Variants in CREBRF observed in about 807,000 individuals in gnomAD.
The protein encoded by CREBRF is CREB3 regulatory factor.
In CREBRF, 5 loss-of-function variants were observed where a neutral mutation model predicts 66.1. The ratio of observed to expected loss-of-function variants is 0.08; its 90% confidence interval spans 0.04 to 0.16. The LOEUF is 0.16. CREBRF is among the 10% of genes least tolerant of loss of function. The probability of loss-of-function intolerance (pLI) is 1.00; values close to 1 mark genes in which losing one functional copy is unlikely to be tolerated. For missense variants in CREBRF, 531 were observed against 744.9 expected, an observed-to-expected ratio of 0.71 and a Z score of 3.34; for synonymous variants, 229 against 264.4, an observed-to-expected ratio of 0.87 and a Z score of 1.30.
intron 1 of CREBRF, 66 bp from the exon 2 acceptor site, chr5:173,080,518 CT>C (rs891551085): frequency 9.3e-4 from 475 of 508,700 alleles, no homozygotes; most frequent in South Asian, 1.5e-3. Context: ...CAAAAGTCAA[CT>C]TTTTTTTTGA....
chr5:173,087,693 A>C (rs1758201198), intron 3 of CREBRF, among the ~76,000 whole-genome samples: 1 of 150,538 alleles, frequency 6.6e-6, no homozygotes. Context: ...TCTCAAAAAG[A>C]AAAAGGATGC....
At chr5:173,083,840 C>T (rs1387407993) in intron 2 of CREBRF, among the ~76,000 whole-genome samples, 2 of 152,104 alleles carry the variant, frequency 1.3e-5, no homozygotes, top group East Asian at 3.8e-4. Context: ...AATTGCTGCT[C>T]TATATTTTTT....
At position 173,090,252 on chromosome 5, in the gene CREBRF, T is replaced by G; in HGVS notation, c.136-63T>G. The G allele has an allele frequency of 1.5e-6, 2 of 1,326,806 alleles. No homozygotes were observed. Among genetic ancestry groups the G allele is most frequent in the Non-Finnish European group, 2.1e-6 (2 of 957,522 alleles). The allele number at this position is 1,326,806 out of a possible 1,614,324, so 82.2% of individuals were successfully genotyped here. ...CAAGTATTGATTTATCAGTTTGACA[T>G]ATGGAGGTGAATATTTCCTTCTGAA... On this transcript the variant is annotated intron_variant, in intron 3 of 8. Coordinates refer to ENST00000296953, the MANE Select transcript of CREBRF (RefSeq NM_153607.3). The surrounding 1 kb of genome is among the most constrained non-coding windows in gnomAD (Gnocchi z 4.5).
intron 2 of CREBRF, among the ~76,000 whole-genome samples, chr5:173,084,551 C>G (rs1233492790): frequency 6.6e-6 from 1 of 152,200 alleles, no homozygotes; most frequent in Non-Finnish European, 1.5e-5. Context: ...GAAGGGGGGA[C>G]CATACCTGTG....
intron 5 of CREBRF, 181 bp downstream of exon 5, chr5:173,108,999 T>C: frequency 3.4e-6 from 2 of 580,468 alleles, no homozygotes; most frequent in Non-Finnish European, 6.0e-6. Flanking sequence ...TTTACCAGTG[T>C]TAAGAGTCCT....
rs765172122 is a variant in CREBRF, at chr5:173,133,616, A to T, written c.1805-14A>T. ...ATTTTTGTGTCTAGATGTGCCTTTT[A>T]TTCTTCTCTTCAGGTCTACCAGTTG... On this transcript the variant is annotated splice_polypyrimidine_tract_variant and intron_variant, in intron 8 of 8. Coordinates refer to ENST00000296953, the MANE Select transcript of CREBRF (RefSeq NM_153607.3). 6.6e-7 allele frequency: 1 copy of T among 1,509,478 alleles called. No individual in the cohort carries two copies. Among genetic ancestry groups the T allele is most frequent in the Admixed American group, 1.7e-5 (1 of 57,980 alleles). The allele number at this position is 1,509,478 out of a possible 1,614,324, so 93.5% of individuals were successfully genotyped here. A position where few individuals can be genotyped will look rare whatever the true frequency, so the allele number is the denominator to read the frequency against.
At chr5:173,102,454 TG>T (rs918206120) in intron 4 of CREBRF, among the ~76,000 whole-genome samples, 2 of 152,002 alleles carry the variant, frequency 1.3e-5, no homozygotes, top group African/African-American at 2.4e-5. Context: ...CTGGAGTCCT[TG>T]GGTAGGCTGG....
rs1293142164 is a variant in CREBRF, at chr5:173,106,438, A to G, written c.1223-2186A>G. Among the ~76,000 whole-genome samples the G allele has an allele frequency of 6.6e-5, 10 of 152,092 alleles. No individual in the cohort carries two copies. In the East Asian group the frequency reaches 1.9e-3, roughly 29 times the overall value. On this transcript the variant is annotated intron_variant, in intron 4 of 8. Coordinates refer to ENST00000296953, the MANE Select transcript of CREBRF (RefSeq NM_153607.3). ...GAGCAAGACTCCATCTCAAAAAAAA[A>G]AGAAGAGCCTAAGGGTCACCATCAC...
intron 2 of CREBRF, chr5:173,086,291 A>G: frequency 1.6e-6 from 1 of 640,678 alleles, no homozygotes; most frequent in Non-Finnish European, 2.8e-6. Context: ...GCAGCACTCT[A>G]TTTTTTCTAT....
At chr5:173,076,299 C>T (rs1295283701) in intron 1 of CREBRF, among the ~76,000 whole-genome samples, 3 of 152,128 alleles carry the variant, frequency 2.0e-5, no homozygotes, top group Non-Finnish European at 4.4e-5. Flanking sequence ...CTTAAAGGGT[C>T]CACCTTCCAA....
intron 4 of CREBRF, among the ~76,000 whole-genome samples, chr5:173,097,214 A>T (rs1480983431): frequency 6.6e-6 from 1 of 152,178 alleles, no homozygotes; most frequent in Non-Finnish European, 1.5e-5. Flanking sequence ...AGAATTTACT[A>T]GTGAAGTCAG....
intron 3 of CREBRF, among the ~76,000 whole-genome samples, chr5:173,089,532 T>C (rs963590028): frequency 5.3e-5 from 8 of 151,842 alleles, no homozygotes; most frequent in Non-Finnish European, 8.8e-5. Context: ...TTAACTGATA[T>C]TTGAAATTGA....
Position 173,112,341 on chromosome 5 carries a change from C to T in CREBRF, c.1643C>T (p.Ala548Val). The change falls in exon 7 of 9, where the codon GCT (alanine) becomes GTT (valine). Residue 548 changes from alanine to valine, a missense_variant. By Grantham distance (64) the Ala-to-Val change is moderately conservative. Transcript: ENST00000296953. Reference sequence around the variant, plus strand: ...TTAAAGAAGAAAGCCCAGTATGAAGCTAATAAAGTGAAATTATGGGGCCTC... The same window carrying T: ...TTAAAGAAGAAAGCCCAGTATGAAGTTAATAAAGTGAAATTATGGGGCCTC... ...CRLKKKAQYE[A>V]NKVKLWGLNT... 2 of 1,604,598 alleles carry T rather than the reference C, an allele frequency of 1.2e-6. No homozygotes were observed. The highest frequency in any genetic ancestry group is 1.7e-6 in the Non-Finnish European group (2 of 1,174,896).
At chr5:173,070,547 G>A (rs528193004) in intron 1 of CREBRF, among the ~76,000 whole-genome samples, 32 of 152,012 alleles carry the variant, frequency 2.1e-4, no homozygotes, top group Middle Eastern at 3.4e-3. Flanking sequence ...ACATGCATCG[G>A]TCCAGTGCCT....
chr5:173,056,581 G>A (rs1219458673), intron 1 of CREBRF, 102 bp downstream of exon 1: 5 of 394,618 alleles, frequency 1.3e-5, no homozygotes, highest in African/African-American at 2.1e-5. Flanking sequence ...AGCAGCGCTG[G>A]GGCTCTGGGC....
chr5:173,115,919 A>G (rs1758979178), intron 7 of CREBRF, among the ~76,000 whole-genome samples: 3 of 152,290 alleles, frequency 2.0e-5, no homozygotes, highest in Non-Finnish European at 4.4e-5. Context: ...CCCTGAATGT[A>G]GTTTTAAATT....
At chr5:173,088,682 T>G (rs1037915181) in intron 3 of CREBRF, among the ~76,000 whole-genome samples, 1 of 151,900 alleles carries the variant, frequency 6.6e-6, no homozygotes, top group African/African-American at 2.4e-5. Flanking sequence ...CATTTATTCT[T>G]GAGGTAAATA....
At chr5:173,106,145 A>AG (rs1758744282) in intron 4 of CREBRF, among the ~76,000 whole-genome samples, 1 of 151,904 alleles carries the variant, frequency 6.6e-6, no homozygotes, top group South Asian at 2.1e-4. Context: ...GAAGAGCCTA[A>AG]GGGGCCAGGT....
intron 3 of CREBRF, among the ~76,000 whole-genome samples, chr5:173,089,972 C>A (rs1758279838): frequency 6.6e-6 from 1 of 152,114 alleles, no homozygotes; most frequent in African/African-American, 2.4e-5. Flanking sequence ...AAGGAGATCC[C>A]AAAATCCTTC....
Sources: gnomAD v4.1 joint callset for allele counts (sites outside exome capture counted in the v4.1 genomes callset) on GRCh38, gnomAD v4.1.1 for gene constraint, Gnocchi (gnomAD v3.1) non-coding constraint, MANE v1.5 for transcripts, NCBI Gene and HGNC (gene_info 2026-07-23, HGNC 2026-07-21) for gene names.